Variants in KCP observed in about 807,000 individuals in gnomAD.
The protein encoded by KCP is kielin cysteine rich BMP regulator, also known as kielin/chordin-like protein.
KCP carries 194 observed loss-of-function variants against 212.7 expected under a neutral mutation model. The observed-to-expected ratio is 0.91, with a 90% CI of 0.81 to 1.03. The LOEUF (loss-of-function observed/expected upper bound fraction) is 1.03. Ranked by LOEUF, KCP falls within the 50% of genes least tolerant of loss-of-function variation. The probability of loss-of-function intolerance (pLI) is 0.00; values close to 1 mark genes in which losing one functional copy is unlikely to be tolerated. For synonymous variants in KCP, 833 were observed against 865.3 expected (o/e 0.96, Z 0.65); for missense variants, 2,080 against 2,162.5 (o/e 0.96, Z 0.76).
chr7:128,890,473 G>T lies in KCP; in HGVS notation c.2205C>A (p.Arg735=), dbSNP rs1794025276. 6.4e-7 allele frequency: 1 copy of T among 1,550,560 alleles called. No individual in the cohort carries two copies. Among genetic ancestry groups the T allele is most frequent in the Non-Finnish European group, 8.7e-7 (1 of 1,146,932 alleles). The change falls in exon 21 of 40, where the codon CGC becomes CGA. Residue 735 remains arginine, a synonymous_variant. Transcript: ENST00000610776. ...YQGKEFASGE[R]FPSPTAACHL... is the part of the protein sequence containing the mutation. ...GGCAGGCAGCAGTGGGCGATGGGAA[G>T]CGCTCCCCGCTGGCAAACTCCTTCC...
In KCP at chr7:128,892,999, C is replaced by G. The variant is rs558066345; in HGVS notation, c.1290G>C (p.Glu430Asp). The G allele has an allele frequency of 6.6e-5, 66 of 994,274 alleles. No individual in the cohort carries two copies. The highest frequency in any genetic ancestry group is 5.8e-4 in the African/African-American group (36 of 62,466). 61.6% of individuals were successfully genotyped at this position (994,274 alleles called of 1,614,324 possible). A position where few individuals can be genotyped will look rare whatever the true frequency, so the allele number is the denominator to read the frequency against. ...LCPACELDGEEFAEGVQWEPD... is the reference protein window; with the variant it reads ...LCPACELDGEDFAEGVQWEPD... ...GCTCCCACTGGACTCCCTCAGCAAA[C>G]TCCTCTCCATCCAGCTCACAGGCTG... The change falls in exon 14 of 40, where the codon GAG (glutamate) becomes GAC (aspartate). Residue 430 changes from glutamate to aspartate, a missense_variant. Physicochemically the swap from Glu to Asp is conservative, Grantham distance 45 (BLOSUM62 2). Transcript: ENST00000610776.
chr7:128,891,321 G>C (rs1457036099), intron 18 of KCP, 43 bp from the exon 19 acceptor site: 2 of 1,546,904 alleles, frequency 1.3e-6, no homozygotes, highest in Admixed American at 2.0e-5. Context: ...GGTTAGTTGG[G>C]GGAGGCCGAG....
intron 5 of KCP, among the ~76,000 whole-genome samples, chr7:128,904,860 T>A (rs983877549): frequency 6.6e-6 from 1 of 152,220 alleles, no homozygotes; most frequent in Non-Finnish European, 1.5e-5. Flanking sequence ...AGGCACATCA[T>A]CAGCATGGTT....
At chr7:128,884,375 C>T (rs969679720) in intron 28 of KCP, among the ~76,000 whole-genome samples, 9 of 152,226 alleles carry the variant, frequency 5.9e-5, no homozygotes, top group African/African-American at 1.9e-4. Flanking sequence ...TTTGATCCTC[C>T]GGCAGGCTCA....
chr7:128,910,491 G>A, intron 1 of KCP, 110 bp downstream of exon 1: 2 of 1,039,510 alleles, frequency 1.9e-6, no homozygotes, highest in South Asian at 3.6e-5. Flanking sequence ...GCGAACCTCA[G>A]GCAGGGCTAA....
At chr7:128,897,634 C>A (rs965137995) in intron 8 of KCP, among the ~76,000 whole-genome samples, 1 of 152,150 alleles carries the variant, frequency 6.6e-6, no homozygotes, top group Non-Finnish European at 1.5e-5. Flanking sequence ...AAAATATCTT[C>A]AAAAATGTAG....
intron 29 of KCP, 30 bp downstream of exon 29, chr7:128,883,972 T>G (rs1389036547): frequency 1.3e-6 from 2 of 1,541,556 alleles, no homozygotes; most frequent in Non-Finnish European, 1.7e-6. Flanking sequence ...TAACCTCATA[T>G]CTCATCTACC....
chr7:128,881,585 G>T, intron 31 of KCP, 41 bp downstream of exon 31: 12 of 1,382,846 alleles, frequency 8.7e-6, no homozygotes, highest in Non-Finnish European at 1.1e-5. Context: ...TGTTCCCCCT[G>T]GGCTCCTCTC....
rs376242604 is a variant in KCP at position 128,892,947 on chromosome 7, C to T, written c.1342G>A (p.Val448Ile). ...CACTTGGGTACCCCATCTTGACAGA[C>T]GCAGGCGGTGCAGGGCCGACCATCA... ...EPDGRPCTAC[V>I]CQDGVPKCGA... The change falls in exon 14 of 40, where the codon GTC becomes ATC. Residue 448 changes from valine (V) to isoleucine (I), a missense_variant. Physicochemically the swap from Val to Ile is conservative, Grantham distance 29. Coordinates refer to ENST00000610776, the MANE Select transcript of KCP (RefSeq NM_001366122.1). The T allele has an allele frequency of 1.1e-4, 160 of 1,410,334 alleles. No homozygotes were observed. Among genetic ancestry groups the T allele is most frequent in the African/African-American group, 5.7e-4 (40 of 70,294 alleles). 87.4% of individuals were successfully genotyped at this position (1,410,334 alleles called of 1,614,324 possible).
intron 5 of KCP, among the ~76,000 whole-genome samples, chr7:128,904,903 T>C (rs1795047111): frequency 6.6e-6 from 1 of 152,186 alleles, no homozygotes; most frequent in Non-Finnish European, 1.5e-5. Context: ...AGTAGTGTCT[T>C]GAGGAAAGGG....
intron 7 of KCP, 130 bp from the exon 8 acceptor site, chr7:128,902,989 G>T: frequency 1.4e-6 from 1 of 696,862 alleles, no homozygotes; most frequent in Non-Finnish European, 2.5e-6. Context: ...GATGGGGTCA[G>T]ATCTCTGCCT....
At chr7:128,905,090 G>A (rs6975246) in intron 5 of KCP, among the ~76,000 whole-genome samples, 38,650 of 151,454 alleles carry the variant, frequency 0.26, 6,356 homozygotes, top group East Asian at 0.52. Context: ...TCTCCAGCCA[G>A]CACTCCAGGC....
At position 128,877,215 on chromosome 7, in the gene KCP, A is replaced by G; in HGVS notation, c.4715T>C (p.Leu1572Pro). 1.1e-5 allele frequency: 16 copies of G among 1,479,346 alleles called. No homozygotes were observed. The highest frequency in any genetic ancestry group is 1.4e-5 in the Non-Finnish European group (16 of 1,115,052). The allele number at this position is 1,479,346 out of a possible 1,614,324, so 91.6% of individuals were successfully genotyped here. The change falls in exon 40 of 40, where the codon CTG becomes CCG. Residue 1572 changes from leucine (L) to proline (P), a missense_variant. Leu to Pro is a moderately conservative substitution (Grantham distance 98, BLOSUM62 -3). Transcript: ENST00000610776. ...CFNQHIPLGE[L>P]AAHCVRPCVP... is the part of the protein sequence containing the mutation. ...GCAGGGCCTCACGCAGTGGGCTGCC[A>G]GCTCCCCCAGGGGGATATGCTGATT... is the stretch of plus-strand genomic sequence containing the variant.
intron 8 of KCP, among the ~76,000 whole-genome samples, chr7:128,902,087 G>A (rs1440661156): frequency 1.3e-5 from 2 of 152,188 alleles, no homozygotes; most frequent in African/African-American, 2.4e-5. Context: ...TTGAGACAAA[G>A]TCTTGCTACA....
intron 12 of KCP, 25 bp from the exon 13 acceptor site, chr7:128,893,344 C>G: frequency 6.4e-7 from 1 of 1,551,540 alleles, no homozygotes; most frequent in Non-Finnish European, 8.7e-7. Flanking sequence ...GGTGAGACAC[C>G]CTGAAGGAAT....
At chr7:128,908,742 G>A (rs987191785) in intron 1 of KCP, among the ~76,000 whole-genome samples, 174 bp from the exon 2 acceptor site, 3 of 152,260 alleles carry the variant, frequency 2.0e-5, no homozygotes, top group Non-Finnish European at 4.4e-5. Flanking sequence ...GAAACGCAGG[G>A]GAAGGCCACA....
rs1041396271 is a variant in KCP, at chr7:128,904,016, G to T, written c.654+40C>A. 2.6e-6 allele frequency: 4 copies of T among 1,519,522 alleles called. No individual in the cohort carries two copies. In the Admixed American group the frequency reaches 7.9e-5, roughly 30 times the overall value. The allele number at this position is 1,519,522 out of a possible 1,614,324, so 94.1% of individuals were successfully genotyped here. Reference sequence around the variant, plus strand: ...GGCCCAGGGCAGGGCAGGTGTCCAGGGAGGTGCAGGGCCTGGGCAGAGGGG... The same window carrying T: ...GGCCCAGGGCAGGGCAGGTGTCCAGTGAGGTGCAGGGCCTGGGCAGAGGGG... On this transcript the variant is annotated intron_variant, in intron 6 of 39. Transcript: ENST00000610776.
chr7:128,904,031 G>C, intron 6 of KCP, 25 bp downstream of exon 6: 1 of 1,545,634 alleles, frequency 6.5e-7, no homozygotes, highest in Non-Finnish European at 8.8e-7. Context: ...TGCAGGGCCT[G>C]GGCAGAGGGG....
In KCP at chr7:128,890,669, G is replaced by A. The variant is rs1794049258; in HGVS notation, c.2165-156C>T. Among the ~76,000 whole-genome samples the A allele has an allele frequency of 2.7e-5, 4 of 148,030 alleles. No individual in the cohort carries two copies. In the South Asian group the frequency reaches 8.7e-4, roughly 32 times the overall value. On this transcript the variant is annotated intron_variant, in intron 20 of 39. Coordinates refer to ENST00000610776, the MANE Select transcript of KCP (RefSeq NM_001366122.1). ...GGGTCCGTGAGGGCGGGGAGGCCGT[G>A]GGCTCCGTGGAGGCTGAGGTCCGTG...
Sources: allele counts gnomAD v4.1 joint callset (sites outside exome capture counted in the v4.1 genomes callset), GRCh38; gene constraint gnomAD v4.1.1; transcripts MANE v1.5; gene names NCBI Gene and HGNC (gene_info 2026-07-23, HGNC 2026-07-21).